Variants in RASAL2 observed in about 807,000 individuals in gnomAD.
RASAL2 encodes the protein ras GTPase-activating protein nGAP.
A neutral mutation model predicts 128.9 loss-of-function variants in RASAL2; 58 were observed. The ratio of observed to expected loss-of-function variants is 0.45; its 90% CI spans 0.36 to 0.56. RASAL2 has a LOEUF of 0.56. RASAL2 is among the 20% of genes least tolerant of loss of function. RASAL2 has a pLI of 0.00. For missense variants in RASAL2, 1,360 were observed against 1,601.6 expected, an observed-to-expected ratio of 0.85 and a Z score of 2.57; for synonymous variants, 561 against 580.8, an observed-to-expected ratio of 0.97 and a Z score of 0.49.
intron 8 of RASAL2, 109 bp from the exon 9 acceptor site, chr1:178,445,409 G>C (rs1387439640): frequency 1.6e-6 from 2 of 1,254,688 alleles, no homozygotes; most frequent in Non-Finnish European, 2.2e-6. Context: ...GAATCTGATA[G>C]CTTTAGTTTT....
chr1:178,188,766 G>T (rs571096123), intron 1 of RASAL2, among the ~76,000 whole-genome samples: 1 of 151,968 alleles, frequency 6.6e-6, no homozygotes, highest in African/African-American at 2.4e-5. Flanking sequence ...TATTTAGAAG[G>T]CAAATGATAC....
intron 1 of RASAL2, among the ~76,000 whole-genome samples, chr1:178,281,426 C>T (rs140228536): frequency 9.2e-4 from 140 of 152,022 alleles, no homozygotes; most frequent in Non-Finnish European, 1.5e-3. Context: ...GACAGTGAGG[C>T]TTTAAGAGAA....
intron 1 of RASAL2, among the ~76,000 whole-genome samples, chr1:178,175,438 G>GTGTGTGTA (rs1661850403): frequency 7.4e-4 from 1 of 1,354 alleles, no homozygotes; most frequent in Non-Finnish European, 1.4e-3. Context: ...ACATGGTTAC[G>GTGTGTGTA]TGTGTGTGTG....
intron 1 of RASAL2, among the ~76,000 whole-genome samples, chr1:178,266,014 A>G (rs933043276): frequency 1.8e-4 from 28 of 152,050 alleles, no homozygotes; most frequent in Non-Finnish European, 3.1e-4. Flanking sequence ...GTTGGTTTTT[A>G]TTTTGGATTG....
chr1:178,164,506 CGT>C (rs3040802), intron 1 of RASAL2, among the ~76,000 whole-genome samples: 2,788 of 89,414 alleles, frequency 0.031, 86 homozygotes, highest in African/African-American at 0.091. Context: ...TGTGTGTGTG[CGT>C]GTGTGTGTGT....
At chr1:178,203,173 G>T (rs943129563) in intron 1 of RASAL2, among the ~76,000 whole-genome samples, 1 of 152,178 alleles carries the variant, frequency 6.6e-6, no homozygotes, top group Non-Finnish European at 1.5e-5. Flanking sequence ...ACTACCATAT[G>T]TGGACTCAAG....
At chr1:178,449,670 T>C (rs1677246602) in intron 9 of RASAL2, among the ~76,000 whole-genome samples, 1 of 152,132 alleles carries the variant, frequency 6.6e-6, no homozygotes, top group Non-Finnish European at 1.5e-5. Context: ...TTCAATATGG[T>C]ACATTCTGCA....
rs201424936 is a variant in RASAL2 at position 178,394,177 on chromosome 1, A to G, written c.564+3971A>G. 1.4e-4 allele frequency among the ~76,000 whole-genome samples: 21 copies of G among 152,302 alleles called. No homozygotes were observed. The East Asian group carries it at 3.7e-3, about 27-fold the overall frequency. On this transcript the variant is annotated intron_variant, in intron 4 of 17. Transcript: ENST00000367649. ...TCTTGGAACCTTTTAGGTGTTATACATATGTATAAATTCACAATGTTTTTG... is the reference window on the plus strand; with the variant it reads ...TCTTGGAACCTTTTAGGTGTTATACGTATGTATAAATTCACAATGTTTTTG...
At chr1:178,292,581 A>T (rs369618007) in intron 2 of RASAL2, among the ~76,000 whole-genome samples, 3 of 152,354 alleles carry the variant, frequency 2.0e-5, no homozygotes, top group African/African-American at 7.2e-5. Context: ...GCTATGAAAT[A>T]TACTTTCTTG....
intron 1 of RASAL2, among the ~76,000 whole-genome samples, chr1:178,176,363 G>A (rs555838187): frequency 6.6e-6 from 1 of 151,208 alleles, no homozygotes; most frequent in South Asian, 2.1e-4. Flanking sequence ...ATCTTCTTTT[G>A]AGAAATGTCT....
chr1:178,266,072 T>C (rs936832001), intron 1 of RASAL2, among the ~76,000 whole-genome samples: 3 of 152,344 alleles, frequency 2.0e-5, no homozygotes, highest in Non-Finnish European at 2.9e-5. Context: ...TATGTTCTTA[T>C]ACATGTCTTT....
intron 6 of RASAL2, 150 bp from the exon 7 acceptor site, chr1:178,441,399 C>T: frequency 1.8e-6 from 1 of 552,796 alleles, no homozygotes; most frequent in Non-Finnish European, 3.3e-6. Context: ...GGATCTGAGA[C>T]CATGTTTTTC....
intron 1 of RASAL2, among the ~76,000 whole-genome samples, chr1:178,171,306 C>A (rs1661698126): frequency 6.6e-6 from 1 of 151,796 alleles, no homozygotes; most frequent in Non-Finnish European, 1.5e-5. Context: ...AAAGAGACAC[C>A]AGTAGTTCAG....
chr1:178,347,792 C>T (rs1670228806), intron 3 of RASAL2, among the ~76,000 whole-genome samples: 1 of 152,222 alleles, frequency 6.6e-6, no homozygotes, highest in Admixed American at 6.5e-5. Flanking sequence ...CCAGCAATTA[C>T]ACTCCTATTT....
At chr1:178,457,475 T>C (rs1367194616) in intron 13 of RASAL2, among the ~76,000 whole-genome samples, 2 of 152,240 alleles carry the variant, frequency 1.3e-5, no homozygotes, top group Admixed American at 1.3e-4. Context: ...ATCTACAGTG[T>C]TATTCTGTAC....
rs560096155 is a variant in RASAL2, at chr1:178,358,500, G to GT, written c.458-31599dup. On this transcript the variant is annotated intron_variant, in intron 3 of 17. Transcript: ENST00000367649. ...TGAGCATGACCAACTCAATAGAAAA[G>GT]TGGGCAAGAGATATAAAGAAGACTT... Among the ~76,000 whole-genome samples, 369 of 152,224 alleles carry GT rather than the reference G, an allele frequency of 2.4e-3. 7 individuals carry two copies. Among genetic ancestry groups the GT allele is most frequent in the Admixed American group, 0.022 (340 of 15,298 alleles).
At chr1:178,137,434 A>G (rs189983288) in intron 1 of RASAL2, among the ~76,000 whole-genome samples, 1 of 152,254 alleles carries the variant, frequency 6.6e-6, no homozygotes, top group Middle Eastern at 3.4e-3. Flanking sequence ...AGTTAGTTCT[A>G]CTGTCTCCCT....
intron 1 of RASAL2, among the ~76,000 whole-genome samples, chr1:178,125,133 C>T (rs563704855): frequency 7.2e-5 from 11 of 152,254 alleles, no homozygotes; most frequent in Admixed American, 5.2e-4. Context: ...GAAATGCTTC[C>T]TTTAATCTTA....
At chr1:178,310,580 CA>C (rs1266573652) in intron 3 of RASAL2, among the ~76,000 whole-genome samples, 5 of 152,104 alleles carry the variant, frequency 3.3e-5, no homozygotes, top group South Asian at 2.1e-4. Context: ...TTAGCAGTAA[CA>C]TTTTTTTTCG....
Sources: allele counts gnomAD v4.1 joint callset (sites outside exome capture counted in the v4.1 genomes callset), GRCh38; gene constraint gnomAD v4.1.1; transcripts MANE v1.5; gene names NCBI Gene and HGNC (gene_info 2026-07-23, HGNC 2026-07-21).